Variants in HOXB3 observed in about 807,000 individuals in gnomAD.
The protein encoded by HOXB3 is homeobox B3.
HOXB3 carries 17 observed loss-of-function variants against 29.2 expected under a neutral mutation model. The ratio of observed to expected loss-of-function variants is 0.58; its 90% CI spans 0.40 to 0.87. HOXB3 has a LOEUF of 0.87. HOXB3 is among the 40% of genes least tolerant of loss of function. The probability of loss-of-function intolerance (pLI) is 0.00; values close to 1 mark genes in which losing one functional copy is unlikely to be tolerated. For missense variants in HOXB3, 637 were observed against 616.3 expected (o/e 1.03, Z -0.35); for synonymous variants, 317 against 285.9 (o/e 1.11, Z -1.10).
At chr17:48,586,453 G>A (rs1246277678) in intron 1 of HOXB3, among the ~76,000 whole-genome samples, 1 of 152,178 alleles carries the variant, frequency 6.6e-6, no homozygotes, top group Non-Finnish European at 1.5e-5. Flanking sequence ...AGGTGGCTGC[G>A]GCGGTGTGGC....
At chr17:48,574,575 TGCTCTCCC>T (rs2069700059) in intron 1 of HOXB3, 1 of 152,216 alleles carries the variant, frequency 6.6e-6, no homozygotes, top group Non-Finnish European at 1.5e-5. Context: ...TAATTGCATA[TGCTCTCCC>T]GAGCCCCGAG....
rs1405162296 is a variant in HOXB3, at chr17:48,549,849, T to G, written c.*485A>C. The G allele has an allele frequency of 6.2e-6, 1 of 161,476 alleles. No individual in the cohort carries two copies. The highest frequency in any genetic ancestry group is 1.4e-5 in the Non-Finnish European group (1 of 72,706). The allele number at this position is 161,476 out of a possible 1,614,324, so 10.0% of individuals were successfully genotyped here. A position where few individuals can be genotyped will look rare whatever the true frequency, so the allele number is the denominator to read the frequency against. ...GAAAGTTGGAAGGGAACGTGTTTTG[T>G]GCCTTTTGGGTTTGAAATGTGTTTT... On this transcript the variant is annotated 3_prime_UTR_variant, in exon 5 of 5. Coordinates refer to ENST00000498678, the MANE Select transcript of HOXB3 (RefSeq NM_001384749.1).
chr17:48,577,454 C>G (rs867471304), intron 1 of HOXB3, among the ~76,000 whole-genome samples: 1 of 152,180 alleles, frequency 6.6e-6, no homozygotes, highest in Non-Finnish European at 1.5e-5. Flanking sequence ...ACTTCTCCAG[C>G]CAAGGAGTCA....
At chr17:48,585,189 C>T (rs566354236) in intron 1 of HOXB3, among the ~76,000 whole-genome samples, 2 of 152,226 alleles carry the variant, frequency 1.3e-5, no homozygotes, top group East Asian at 1.9e-4. Context: ...GAAAAAGACG[C>T]GGAACCCACC....
At chr17:48,563,879 C>T (rs1157609450) in intron 2 of HOXB3, among the ~76,000 whole-genome samples, 1 of 151,818 alleles carries the variant, frequency 6.6e-6, no homozygotes, top group Non-Finnish European at 1.5e-5. Flanking sequence ...AGATGCCCCT[C>T]ACATTTCCCT....
At chr17:48,573,082 T>A (rs751917469) in intron 2 of HOXB3, among the ~76,000 whole-genome samples, 54 of 152,132 alleles carry the variant, frequency 3.5e-4, no homozygotes, top group Non-Finnish European at 6.8e-4. Context: ...GAAACAGGGC[T>A]GCAGAGGAGA....
chr17:48,553,674 T>C (rs1160517793), intron 3 of HOXB3: 1 of 150,622 alleles, frequency 6.6e-6, no homozygotes, highest in Non-Finnish European at 1.5e-5. Context: ...GAAACAGAGG[T>C]ATTCCTGTTG....
intron 2 of HOXB3, among the ~76,000 whole-genome samples, chr17:48,565,443 C>A (rs2069358726): frequency 6.6e-6 from 1 of 152,240 alleles, no homozygotes; most frequent in African/African-American, 2.4e-5. Flanking sequence ...CCCTCTGTGC[C>A]TGCTCCCCAA....
Position 48,552,400 on chromosome 17 carries a change from A to C in HOXB3, c.75T>G (p.Asn25Lys). 6.2e-7 allele frequency: 1 copy of C among 1,612,142 alleles called. No individual in the cohort carries two copies. Among genetic ancestry groups the C allele is most frequent in the Non-Finnish European group, 8.5e-7 (1 of 1,178,700 alleles). The change falls in exon 4 of 5, where the codon AAT becomes AAG. Residue 25 changes from asparagine (N) to lysine (K), a missense_variant. By Grantham distance (94) the Asn-to-Lys change is moderately conservative. Transcript: ENST00000498678. ...GGGGGGGGACATCGAAGCCGAAGCC[A>C]TTGCTGCCAGGGTACGAGGAATAGC... ...FGGYSSYPGS[N>K]GFGFDVPPQP... is the part of the protein sequence containing the mutation.
intron 1 of HOXB3, chr17:48,574,245 T>C: frequency 5.5e-6 from 1 of 181,428 alleles, no homozygotes; most frequent in Non-Finnish European, 1.2e-5. Flanking sequence ...TTTTAAGAAC[T>C]ATTTTCCCCC....
intron 1 of HOXB3, among the ~76,000 whole-genome samples, chr17:48,584,865 C>A (rs983979540): frequency 2.6e-5 from 4 of 152,116 alleles, no homozygotes; most frequent in African/African-American, 9.7e-5. Context: ...TTCCTTACCT[C>A]CAGCATCCCA....
In HOXB3 at chr17:48,554,609, G is replaced by A. The variant is rs1416463070; in HGVS notation, c.-159+922C>T. 5.7e-6 allele frequency: 4 copies of A among 701,324 alleles called. No homozygotes were observed. Among genetic ancestry groups the A allele is most frequent in the South Asian group, 4.4e-5 (3 of 67,534 alleles). The allele number at this position is 701,324 out of a possible 1,614,324, so 43.4% of individuals were successfully genotyped here. ...GCCGGTCGCTGCTGCCGCGGCGACT[G>A]GCGACAAGCTACCAGCCACCTACGA... On this transcript the variant is annotated intron_variant, in intron 3 of 4. Transcript: ENST00000498678. The surrounding 1 kb of genome is among the most constrained non-coding windows in gnomAD (Gnocchi z 4.1).
chr17:48,563,769 C>T (rs6504380), intron 2 of HOXB3, among the ~76,000 whole-genome samples: 3 of 152,058 alleles, frequency 2.0e-5, no homozygotes, highest in Non-Finnish European at 2.9e-5. Context: ...TGTAGTTTTG[C>T]CTTCAAATAA....
In HOXB3 at chr17:48,550,373, C is replaced by G. The variant is rs1224434013; in HGVS notation, c.1257G>C (p.Gln419His). 1.2e-6 allele frequency: 2 copies of G among 1,613,996 alleles called. No homozygotes were observed. Among genetic ancestry groups the G allele is most frequent in the Non-Finnish European group, 1.7e-6 (2 of 1,180,030 alleles). Reference sequence around the variant, plus strand: ...ATTTGGGCGCTTCTTGGATTCTACCCTGAGGAGGAGGCGCGTGGTGAGAGG... The same window carrying G: ...ATTTGGGCGCTTCTTGGATTCTACCGTGAGGAGGAGGCGCGTGGTGAGAGG... ...DLSSHHAPPP[Q>H]GRIQEAPKLT... is the part of the protein sequence containing the mutation. Residue 419 changes from glutamine (Q) to histidine (H), a missense_variant, in exon 5 of 5, where the codon CAG (glutamine) becomes CAC (histidine). By Grantham distance (24) the Gln-to-His change is conservative. Coordinates refer to ENST00000498678, the MANE Select transcript of HOXB3 (RefSeq NM_001384749.1).
Position 48,550,644 on chromosome 17 carries a change from T to C in HOXB3, c.986A>G (p.Tyr329Cys). 6.6e-7 allele frequency: 1 copy of C among 1,525,530 alleles called. No homozygotes were observed. The highest frequency in any genetic ancestry group is 1.8e-4 in the Middle Eastern group (1 of 5,616). 94.5% of individuals were successfully genotyped at this position (1,525,530 alleles called of 1,614,324 possible). ...GTTGGCTTGGAGGACGTGCGGCTCA[T>C]ACTCGGGCGCCGGGGTCGGAGGGTA... Reference protein sequence around the residue: ...QKYPPTPAPEYEPHVLQANGG... With the variant: ...QKYPPTPAPECEPHVLQANGG... Residue 329 changes from tyrosine (Y) to cysteine (C), a missense_variant, in exon 5 of 5, where the codon TAT becomes TGT. Coordinates refer to ENST00000498678, the MANE Select transcript of HOXB3 (RefSeq NM_001384749.1).
rs1377063524 is a variant in HOXB3 at position 48,552,576 on chromosome 17, C to G, written c.-102G>C. 22 of 799,076 alleles carry G rather than the reference C, an allele frequency of 2.8e-5. No homozygotes were observed. Among genetic ancestry groups the G allele is most frequent in the South Asian group, 2.5e-4 (13 of 51,764 alleles). 49.5% of individuals were successfully genotyped at this position (799,076 alleles called of 1,614,324 possible). On this transcript the variant is annotated 5_prime_UTR_variant, in exon 4 of 5. Coordinates refer to ENST00000498678, the MANE Select transcript of HOXB3 (RefSeq NM_001384749.1). ...GGGGTCACGTGACACGCCGGACCCCCCCCCCCCACCTCCCCTCTCTGCCCC... is the reference window on the plus strand; with the variant it reads ...GGGGTCACGTGACACGCCGGACCCCGCCCCCCCACCTCCCCTCTCTGCCCC...
chr17:48,550,540 G>A lies in HOXB3; in HGVS notation c.1090C>T (p.Pro364Ser). The A allele has an allele frequency of 6.5e-7, 1 of 1,539,094 alleles. No homozygotes were observed. Among genetic ancestry groups the A allele is most frequent in the South Asian group, 1.3e-5 (1 of 78,662 alleles). Residue 364 changes from proline to serine, a missense_variant, in exon 5 of 5, where the codon CCC (proline) becomes TCC (serine). By Grantham distance (74) the Pro-to-Ser change is moderately conservative (BLOSUM62 -1). Transcript: ENST00000498678. ...GGGGYADPLP[P>S]PAGPSLYGLN... ...CCATAGAGGGAGGGGCCGGCAGGGGGCGGCAGCGGATCCGCGTAGCCGCCC... is the reference window on the plus strand; with the variant it reads ...CCATAGAGGGAGGGGCCGGCAGGGGACGGCAGCGGATCCGCGTAGCCGCCC...
At chr17:48,569,052 TCTCTCTCTCCCCC>T (rs1186381668) in intron 2 of HOXB3, among the ~76,000 whole-genome samples, 1 of 95,014 alleles carries the variant, frequency 1.1e-5, no homozygotes, top group East Asian at 4.3e-4. Context: ...TCTCTCTCCC[TCTCTCTCTCCCCC>T]CTCTCTTTTT....
chr17:48,578,671 G>A (rs2069855141), intron 1 of HOXB3: 1 of 296,820 alleles, frequency 3.4e-6, no homozygotes, highest in Admixed American at 5.4e-5. Context: ...TGCGACTGGA[G>A]GGCCTGTTGG....
Sources: allele counts gnomAD v4.1 joint callset (sites outside exome capture counted in the v4.1 genomes callset), GRCh38; gene constraint gnomAD v4.1.1; non-coding constraint Gnocchi (gnomAD v3.1); transcripts MANE v1.5; gene names NCBI Gene and HGNC (gene_info 2026-07-23, HGNC 2026-07-21).